Variants in GLIS3 observed in about 807,000 individuals in gnomAD.
GLIS3 encodes zinc finger protein GLIS3.
A neutral mutation model predicts 78.6 loss-of-function variants in GLIS3; 53 were observed. The ratio of observed to expected loss-of-function variants is 0.67; its 90% CI spans 0.54 to 0.85. The LOEUF is 0.85. GLIS3 is among the 40% of genes least tolerant of loss of function. The probability of loss-of-function intolerance (pLI) is 0.00; values close to 1 mark genes in which losing one functional copy is unlikely to be tolerated. For synonymous variants in GLIS3, 684 were observed against 509.9 expected, an observed-to-expected ratio of 1.34 and a Z score of -4.60; for missense variants, 1,703 against 1,231.1, an observed-to-expected ratio of 1.38 and a Z score of -5.74.
At chr9:4,111,750 T>C (rs1467864689) in intron 4 of GLIS3, among the ~76,000 whole-genome samples, 2 of 152,256 alleles carry the variant, frequency 1.3e-5, no homozygotes, top group African/African-American at 4.8e-5. Context: ...TTTGGTTTTA[T>C]TTTTTAAATC....
the GLIS3 span, among the ~76,000 whole-genome samples, chr9:4,456,373 G>A: frequency 0.55 from 83,824 of 151,948 alleles, 23,897 homozygotes; most frequent in South Asian, 0.71. Flanking sequence ...AAGTTGCTGC[G>A]TGGATGGTCT....
At chr9:4,048,785 T>G (rs372355458) in intron 4 of GLIS3, among the ~76,000 whole-genome samples, 1 of 152,202 alleles carries the variant, frequency 6.6e-6, no homozygotes, top group Non-Finnish European at 1.5e-5. Context: ...AGGCCTAGCC[T>G]ATGCACCTGT....
intron 4 of GLIS3, among the ~76,000 whole-genome samples, chr9:4,053,884 G>A (rs1448532131): frequency 2.0e-5 from 3 of 151,998 alleles, no homozygotes; most frequent in Admixed American, 2.0e-4. Flanking sequence ...ATCAAACACG[G>A]CAATCTGTTG....
At chr9:4,426,464 G>A in the GLIS3 span, among the ~76,000 whole-genome samples, 8 of 152,146 alleles carry the variant, frequency 5.3e-5, no homozygotes, top group Admixed American at 5.2e-4. Flanking sequence ...CTCTGTCTCT[G>A]CTCAGGCAAT....
At chr9:4,362,969 A>C in the GLIS3 span, among the ~76,000 whole-genome samples, 4 of 152,268 alleles carry the variant, frequency 2.6e-5, no homozygotes, top group African/African-American at 9.6e-5. Flanking sequence ...ATCAAAGAGA[A>C]GATAGAGGCA....
At chr9:4,466,658 A>T in the GLIS3 span, among the ~76,000 whole-genome samples, 1 of 152,224 alleles carries the variant, frequency 6.6e-6, no homozygotes, top group Non-Finnish European at 1.5e-5. Context: ...AGAGAGAACT[A>T]GGTGGAGGTT....
chr9:4,469,276 C>A, the GLIS3 span, among the ~76,000 whole-genome samples: 2 of 152,086 alleles, frequency 1.3e-5, no homozygotes, highest in African/African-American at 4.8e-5. Flanking sequence ...CAGCTCTGCA[C>A]CAAGCAGACC....
chr9:3,935,751 A>ATT (rs1825868861), intron 5 of GLIS3, among the ~76,000 whole-genome samples: 40 of 152,126 alleles, frequency 2.6e-4, no homozygotes, highest in Non-Finnish European at 1.5e-5. Context: ...ACTTAGAAAA[A>ATT]TCCCACTATT....
intron 4 of GLIS3, among the ~76,000 whole-genome samples, chr9:4,011,440 C>A (rs577143298): frequency 6.6e-6 from 1 of 152,284 alleles, no homozygotes; most frequent in African/African-American, 2.4e-5. Context: ...CATTCAGTGG[C>A]CTGAGTGTCT....
chr9:4,218,437 C>T (rs190316985), intron 2 of GLIS3, among the ~76,000 whole-genome samples: 93 of 152,318 alleles, frequency 6.1e-4, no homozygotes, highest in African/African-American at 2.2e-3. Flanking sequence ...CGCCACCACA[C>T]TCGACTAATT....
chr9:4,245,555 G>C (rs1204134616), intron 2 of GLIS3, among the ~76,000 whole-genome samples: 1 of 152,234 alleles, frequency 6.6e-6, no homozygotes, highest in African/African-American at 2.4e-5. Flanking sequence ...AGGATGTGCA[G>C]TGGATGCTAA....
At chr9:4,269,363 T>C (rs12000159) in intron 2 of GLIS3, among the ~76,000 whole-genome samples, 5 of 152,004 alleles carry the variant, frequency 3.3e-5, no homozygotes, top group African/African-American at 1.2e-4. Context: ...TTAAAACCTA[T>C]GTCCACTTTA....
intron 4 of GLIS3, among the ~76,000 whole-genome samples, chr9:4,091,359 C>G (rs756745057): frequency 6.6e-6 from 1 of 151,564 alleles, no homozygotes; most frequent in South Asian, 2.1e-4. Flanking sequence ...AGAGTGAAAC[C>G]CCGTCTCAAA....
the GLIS3 span, among the ~76,000 whole-genome samples, chr9:4,405,371 GAAAAAGAAAAAAGA>G: frequency 1.4e-5 from 2 of 147,520 alleles, 1 homozygote; most frequent in African/African-American, 5.0e-5. Context: ...AAAAGAAAAA[GAAAAAGAAAAAAGA>G]AAAAAGAAAG....
chr9:4,435,368 A>G, the GLIS3 span, among the ~76,000 whole-genome samples: 5 of 152,212 alleles, frequency 3.3e-5, no homozygotes, highest in South Asian at 2.1e-4. Flanking sequence ...ATGTCCCAGG[A>G]TGACTAATCA....
At chr9:3,936,634 A>C (rs1235108666) in intron 5 of GLIS3, among the ~76,000 whole-genome samples, 1 of 152,124 alleles carries the variant, frequency 6.6e-6, no homozygotes, top group Non-Finnish European at 1.5e-5. Context: ...AAAGAAAAAC[A>C]AACAAAAACT....
At chr9:3,919,682 A>AAAATG (rs1378791217) in intron 6 of GLIS3, among the ~76,000 whole-genome samples, 2 of 151,736 alleles carry the variant, frequency 1.3e-5, no homozygotes, top group African/African-American at 2.4e-5. Context: ...AAAAAATAAT[A>AAAATG]AAATGAAATG....
chr9:4,211,097 T>A (rs558975590), intron 2 of GLIS3, among the ~76,000 whole-genome samples: 2 of 152,342 alleles, frequency 1.3e-5, no homozygotes, highest in African/African-American at 2.4e-5. Flanking sequence ...TCCTTGAGCA[T>A]CTGCACCATC....
At chr9:4,431,145 A>G in the GLIS3 span, among the ~76,000 whole-genome samples, 1 of 152,208 alleles carries the variant, frequency 6.6e-6, no homozygotes, top group Non-Finnish European at 1.5e-5. Flanking sequence ...ACCCTTCATG[A>G]AAGTTATTTT....
Sources: allele counts gnomAD v4.1 joint callset (sites outside exome capture counted in the v4.1 genomes callset), GRCh38; gene constraint gnomAD v4.1.1; transcripts MANE v1.5; gene names NCBI Gene and HGNC (gene_info 2026-07-23, HGNC 2026-07-21).